Variants in SPTBN1 observed in about 807,000 individuals in gnomAD.
SPTBN1 encodes spectrin beta chain, non-erythrocytic 1.
A neutral mutation model predicts 266.4 loss-of-function variants in SPTBN1; 32 were observed. The ratio of observed to expected loss-of-function variants is 0.12; its 90% CI spans 0.09 to 0.16. The LOEUF (loss-of-function observed/expected upper bound fraction) is 0.16, where lower values mean the gene tolerates loss of function less well. Ranked by LOEUF, SPTBN1 falls within the 10% of genes least tolerant of loss-of-function variation. The pLI, the probability that SPTBN1 is intolerant of heterozygous loss-of-function variation, is 1.00. For missense variants in SPTBN1, 2,296 were observed against 3,067.1 expected (o/e 0.75, Z 5.94); for synonymous variants, 1,336 against 1,162.2 (o/e 1.15, Z -3.04).
At chr2:54,461,262 G>T (rs1693354373) in intron 1 of SPTBN1, among the ~76,000 whole-genome samples, 1 of 152,116 alleles carries the variant, frequency 6.6e-6, no homozygotes, top group East Asian at 1.9e-4. Flanking sequence ...CTATTCCCAA[G>T]GTTTATCCAT....
At chr2:54,585,067 T>C (rs1239177984) in intron 2 of SPTBN1, among the ~76,000 whole-genome samples, 2 of 152,232 alleles carry the variant, frequency 1.3e-5, no homozygotes, top group Non-Finnish European at 2.9e-5. Flanking sequence ...CCAAAATTAA[T>C]AGAACAACAG....
intron 2 of SPTBN1, among the ~76,000 whole-genome samples, chr2:54,581,123 A>G (rs766735001): frequency 1.2e-4 from 18 of 152,028 alleles, no homozygotes; most frequent in Non-Finnish European, 2.4e-4. Flanking sequence ...ATATATAAAT[A>G]TATACACACA....
At position 54,631,356 on chromosome 2, in the gene SPTBN1, G is replaced by A. The variant is rs747652212; in HGVS notation, c.3309G>A (p.Gln1103=). 6.2e-7 allele frequency: 1 copy of A among 1,614,232 alleles called. No homozygotes were observed. The highest frequency in any genetic ancestry group is 1.1e-5 in the South Asian group (1 of 91,088). ...CCGAGGCTGAGAAGCTGCTCACGCA[G>A]CACGAGAACATCAAGAACGAGATCG... The part of the protein sequence containing the change: ...TLTEAEKLLT[Q]HENIKNEIDN... Residue 1103 remains glutamine, a synonymous_variant, in exon 16 of 36, where the codon CAG becomes CAA. Coordinates refer to ENST00000356805, the MANE Select transcript of SPTBN1 (RefSeq NM_003128.3).
At chr2:54,518,387 G>A (rs928523301) in intron 1 of SPTBN1, among the ~76,000 whole-genome samples, 13 of 150,390 alleles carry the variant, frequency 8.6e-5, no homozygotes, top group African/African-American at 3.0e-4. Context: ...AAACCAACAC[G>A]GCACACGTAT....
chr2:54,599,319 C>T (rs889576179), intron 3 of SPTBN1, 76 bp downstream of exon 3: 3 of 1,528,424 alleles, frequency 2.0e-6, no homozygotes, highest in Non-Finnish European at 2.7e-6. Context: ...GACTTGTCTC[C>T]TGTTGAATTC....
intron 3 of SPTBN1, among the ~76,000 whole-genome samples, chr2:54,606,451 C>G (rs1356912974): frequency 6.6e-6 from 1 of 152,174 alleles, no homozygotes; most frequent in South Asian, 2.1e-4. Flanking sequence ...TATCTCACTG[C>G]TCAGGTGCAC....
chr2:54,491,145 A>G lies in SPTBN1; in HGVS notation c.-48+34627A>G, dbSNP rs966928418. Reference sequence around the variant, plus strand: ...TGGTTAAGAAACTCTAAGGGACCTTACTAAGGTCAAGGTTAGACTTTGTAA... The same window carrying G: ...TGGTTAAGAAACTCTAAGGGACCTTGCTAAGGTCAAGGTTAGACTTTGTAA... On this transcript the variant is annotated intron_variant, in intron 1 of 35. Transcript: ENST00000356805. Among the ~76,000 whole-genome samples, 9 of 152,220 alleles carry G rather than the reference A, an allele frequency of 5.9e-5. 1 individual carries two copies. The highest frequency in any genetic ancestry group is 3.2e-3 in the Middle Eastern group (1 of 316).
At chr2:54,657,098 C>A (rs1225324722) in intron 29 of SPTBN1, among the ~76,000 whole-genome samples, 2 of 152,238 alleles carry the variant, frequency 1.3e-5, no homozygotes, top group Non-Finnish European at 2.9e-5. Context: ...AAGTGAAAAT[C>A]AGTGTTAACT....
At position 54,648,595 on chromosome 2, in the gene SPTBN1, G is replaced by T. The variant is rs115152222; in HGVS notation, c.4998-391G>T. On this transcript the variant is annotated intron_variant, in intron 24 of 35. Coordinates refer to ENST00000356805, the MANE Select transcript of SPTBN1 (RefSeq NM_003128.3). ...TTTCTCTTTTGTCACCTTCCTGACT[G>T]GGAAGATTTTGCATTAACTTTTAAC... Among the ~76,000 whole-genome samples, 1,077 of 152,278 alleles carry T rather than the reference G, an allele frequency of 7.1e-3. 15 individuals carry two copies. Among genetic ancestry groups the T allele is most frequent in the African/African-American group, 0.024 (988 of 41,566 alleles).
intron 3 of SPTBN1, among the ~76,000 whole-genome samples, chr2:54,605,543 A>G (rs1301148719): frequency 6.6e-6 from 1 of 152,244 alleles, no homozygotes; most frequent in Non-Finnish European, 1.5e-5. Flanking sequence ...AGTGGCAGCT[A>G]TGAATTTTTA....
chr2:54,471,269 G>A (rs1183004967), intron 1 of SPTBN1, among the ~76,000 whole-genome samples: 1 of 152,148 alleles, frequency 6.6e-6, no homozygotes, highest in Non-Finnish European at 1.5e-5. Context: ...CATGAGTAAG[G>A]TTCTAAGGTT....
chr2:54,511,974 T>C (rs993704463), intron 1 of SPTBN1, among the ~76,000 whole-genome samples: 3 of 152,202 alleles, frequency 2.0e-5, no homozygotes, highest in African/African-American at 4.8e-5. Context: ...GCAGGGGTGA[T>C]AGAAGACAGT....
At position 54,600,887 on chromosome 2, in the gene SPTBN1, G is replaced by C. The variant is rs1676458037; in HGVS notation, c.300+1644G>C. Among the ~76,000 whole-genome samples, 4 of 151,116 alleles carry C rather than the reference G, an allele frequency of 2.6e-5. No homozygotes were observed. The South Asian group carries it at 8.4e-4, about 32-fold the overall frequency. On this transcript the variant is annotated intron_variant, in intron 3 of 35. Transcript: ENST00000356805. ...TCTTCTAGGCTGTAGGGAGTAAACT[G>C]TTCACCTTTAAAGACCCATAATTAT...
intron 5 of SPTBN1, 23 bp downstream of exon 5, chr2:54,616,321 T>C (rs1218648451): frequency 3.1e-6 from 5 of 1,603,670 alleles, no homozygotes; most frequent in Non-Finnish European, 3.4e-6. Context: ...GAAGAGGGTA[T>C]TGGGGCTGCT....
Position 54,653,414 on chromosome 2 carries a change from A to G in SPTBN1, c.5578-195A>G, listed in dbSNP as rs1012640919. 1.4e-6 allele frequency: 1 copy of G among 711,878 alleles called. No homozygotes were observed. The allele number at this position is 711,878 out of a possible 1,614,324, so 44.1% of individuals were successfully genotyped here. A position where few individuals can be genotyped will look rare whatever the true frequency, so the allele number is the denominator to read the frequency against. On this transcript the variant is annotated intron_variant, in intron 26 of 35. Transcript: ENST00000356805. The surrounding 1 kb of genome is among the most constrained non-coding windows in gnomAD (Gnocchi z 5.1). ...TCATTCATAAAGAACTTAATAATGT[A>G]GTTGAACAGATTTATAGAAAACGGG...
At chr2:54,557,568 G>GT (rs1558836159) in intron 2 of SPTBN1, among the ~76,000 whole-genome samples, 1 of 152,146 alleles carries the variant, frequency 6.6e-6, no homozygotes, top group Non-Finnish European at 1.5e-5. Flanking sequence ...TAGAGGCCTT[G>GT]TTTTACAAAT....
intron 2 of SPTBN1, among the ~76,000 whole-genome samples, chr2:54,597,091 G>A (rs1676140454): frequency 6.6e-6 from 1 of 152,150 alleles, no homozygotes; most frequent in Non-Finnish European, 1.5e-5. Context: ...TTGCTCCCTT[G>A]CTTCATTAAA....
At chr2:54,596,576 A>T (rs1463941939) in intron 2 of SPTBN1, among the ~76,000 whole-genome samples, 1 of 151,960 alleles carries the variant, frequency 6.6e-6, no homozygotes, top group Non-Finnish European at 1.5e-5. Context: ...ACCCTGCGTG[A>T]TTTTTCCAGC....
intron 2 of SPTBN1, among the ~76,000 whole-genome samples, chr2:54,563,427 TC>T (rs1673451285): frequency 6.6e-6 from 1 of 152,134 alleles, no homozygotes; most frequent in East Asian, 1.9e-4. Context: ...TGCTCTGTCT[TC>T]CTTGGGACAT....
Sources: allele counts gnomAD v4.1 joint callset (sites outside exome capture counted in the v4.1 genomes callset), GRCh38; gene constraint gnomAD v4.1.1; non-coding constraint Gnocchi (gnomAD v3.1); transcripts MANE v1.5; gene names NCBI Gene and HGNC (gene_info 2026-07-23, HGNC 2026-07-21).